NRXN1: variants seen among roughly 807,000 people sequenced by gnomAD.
NRXN1 encodes neurexin-1.
NRXN1 carries 39 observed loss-of-function variants against 150.9 expected under a neutral mutation model. The ratio of observed to expected loss-of-function variants is 0.26; its 90% CI spans 0.20 to 0.34. The LOEUF (loss-of-function observed/expected upper bound fraction) is 0.34. Ranked by LOEUF, NRXN1 falls within the 10% of genes least tolerant of loss-of-function variation. The pLI, the probability that NRXN1 is intolerant of heterozygous loss-of-function variation, is 1.00. For synonymous variants in NRXN1, 924 were observed against 757.0 expected, an observed-to-expected ratio of 1.22 and a Z score of -3.62; for missense variants, 1,815 against 1,949.9, an observed-to-expected ratio of 0.93 and a Z score of 1.30.
intron 21 of NRXN1, among the ~76,000 whole-genome samples, chr2:49,987,113 G>C (rs62134611): frequency 0.48 from 72,087 of 151,750 alleles, 17,676 homozygotes; most frequent in Middle Eastern, 0.61. Context: ...AGAACACTAG[G>C]ACTTATTCCT....
At chr2:50,486,587 C>G (rs114761568) in intron 15 of NRXN1, among the ~76,000 whole-genome samples, 1,804 of 152,130 alleles carry the variant, frequency 0.012, 34 homozygotes, top group African/African-American at 0.041. Context: ...ATTCTTTTTA[C>G]AGTCCCAGAA....
chr2:50,638,353 A>G (rs1683538535), intron 5 of NRXN1, among the ~76,000 whole-genome samples: 1 of 152,148 alleles, frequency 6.6e-6, no homozygotes, highest in Non-Finnish European at 1.5e-5. Context: ...AATTTTTGTT[A>G]AAGAAATGGG....
intron 17 of NRXN1, among the ~76,000 whole-genome samples, chr2:50,256,285 C>A (rs910863192): frequency 6.6e-6 from 1 of 152,104 alleles, no homozygotes; most frequent in Non-Finnish European, 1.5e-5. Flanking sequence ...ATGTACCAAA[C>A]GTTTTTACCC....
chr2:51,002,663 A>C (rs1330806151), intron 2 of NRXN1, among the ~76,000 whole-genome samples: 1 of 151,972 alleles, frequency 6.6e-6, no homozygotes, highest in Non-Finnish European at 1.5e-5. Context: ...TGAAAACAAA[A>C]GGAGACACAT....
Position 50,326,660 on chromosome 2 carries a change from C to T in NRXN1, c.3365-89690G>A, listed in dbSNP as rs79742171. On this transcript the variant is annotated intron_variant, in intron 17 of 22. Transcript: ENST00000401669. ...GTTACTTGCTTATAGTTGTTTCTAT[C>T]CATTAACTTGCTTTGTTACCTTTTG... is the stretch of plus-strand genomic sequence containing the variant. 6.6e-3 allele frequency among the ~76,000 whole-genome samples: 1,006 copies of T among 152,140 alleles called. 7 individuals carry two copies. The highest frequency in any genetic ancestry group is 0.017 in the Middle Eastern group (5 of 294).
chr2:50,309,369 C>A (rs1332696705), intron 17 of NRXN1, among the ~76,000 whole-genome samples: 1 of 152,088 alleles, frequency 6.6e-6, no homozygotes, highest in Non-Finnish European at 1.5e-5. Flanking sequence ...GTATCTCTGA[C>A]ACTAATTAAT....
intron 5 of NRXN1, among the ~76,000 whole-genome samples, chr2:50,868,110 T>C (rs1368475282): frequency 5.2e-5 from 7 of 135,336 alleles, no homozygotes; most frequent in Admixed American, 1.6e-4. Context: ...AACCTATGTG[T>C]CCATCACTGG....
At chr2:50,890,072 TAGAGGC>T (rs1680826979) in intron 5 of NRXN1, among the ~76,000 whole-genome samples, 1 of 151,836 alleles carries the variant, frequency 6.6e-6, no homozygotes, top group African/African-American at 2.4e-5. Context: ...TCCTTTAATA[TAGAGGC>T]TTAGTTTTAA....
intron 21 of NRXN1, among the ~76,000 whole-genome samples, chr2:50,032,448 G>A (rs1236594812): frequency 1.3e-5 from 2 of 151,994 alleles, no homozygotes; most frequent in Non-Finnish European, 2.9e-5. Flanking sequence ...GGAATGGAAA[G>A]GAAATTCAAT....
intron 17 of NRXN1, among the ~76,000 whole-genome samples, chr2:50,447,621 G>A (rs1365603690): frequency 6.9e-6 from 1 of 144,138 alleles, no homozygotes; most frequent in South Asian, 2.2e-4. Context: ...TTTATTTTTA[G>A]AAATAATCAG....
At chr2:50,997,382 C>A (rs549538438) in intron 2 of NRXN1, among the ~76,000 whole-genome samples, 9 of 151,722 alleles carry the variant, frequency 5.9e-5, no homozygotes, top group Admixed American at 3.3e-4. Context: ...AACAAACAAA[C>A]AAAAAAAGAT....
intron 17 of NRXN1, among the ~76,000 whole-genome samples, chr2:50,334,331 CA>C (rs917778539): frequency 3.3e-5 from 5 of 151,732 alleles, no homozygotes; most frequent in Admixed American, 6.6e-5. Context: ...GAATTACTAA[CA>C]AAAATTGAAT....
intron 5 of NRXN1, among the ~76,000 whole-genome samples, chr2:50,920,366 G>C (rs1025850148): frequency 5.3e-5 from 8 of 151,666 alleles, no homozygotes; most frequent in Admixed American, 2.0e-4. Context: ...TATCAGCTGA[G>C]TATAAACATG....
intron 5 of NRXN1, among the ~76,000 whole-genome samples, chr2:50,684,804 A>G (rs1690973065): frequency 6.6e-6 from 1 of 152,210 alleles, no homozygotes; most frequent in Admixed American, 6.5e-5. Flanking sequence ...CAAGTTTCCT[A>G]TACTTTATTT....
chr2:50,641,105 G>A (rs1684012971), intron 5 of NRXN1, among the ~76,000 whole-genome samples: 1 of 152,030 alleles, frequency 6.6e-6, no homozygotes, highest in African/African-American at 2.4e-5. Context: ...AAACGTCTAA[G>A]CTGCTTTTCC....
At chr2:50,319,268 T>A (rs1400035457) in intron 17 of NRXN1, among the ~76,000 whole-genome samples, 1 of 152,160 alleles carries the variant, frequency 6.6e-6, no homozygotes, top group Non-Finnish European at 1.5e-5. Flanking sequence ...AATTATATAT[T>A]GTAGTTGCAT....
At chr2:50,754,505 T>G (rs1410142587) in intron 5 of NRXN1, among the ~76,000 whole-genome samples, 2 of 151,860 alleles carry the variant, frequency 1.3e-5, no homozygotes, top group African/African-American at 4.8e-5. Context: ...AAAATTTCCT[T>G]AGTTATCTAT....
intron 2 of NRXN1, among the ~76,000 whole-genome samples, chr2:50,966,670 AT>A (rs2104745555): frequency 6.6e-6 from 1 of 151,970 alleles, no homozygotes; most frequent in South Asian, 2.1e-4. Flanking sequence ...TGAGAGTGGC[AT>A]TTGCTAAACA....
At chr2:50,374,486 A>G (rs2080343038) in intron 17 of NRXN1, among the ~76,000 whole-genome samples, 2 of 152,072 alleles carry the variant, frequency 1.3e-5, no homozygotes. Flanking sequence ...ACTCATAGAC[A>G]TAAGTGGAAG....
Sources: allele counts gnomAD v4.1 joint callset (sites outside exome capture counted in the v4.1 genomes callset), GRCh38; gene constraint gnomAD v4.1.1; transcripts MANE v1.5; gene names NCBI Gene and HGNC (gene_info 2026-07-23, HGNC 2026-07-21).